SPATA6L: variants seen among roughly 807,000 people sequenced by gnomAD.
SPATA6L encodes spermatogenesis associated 6 like, also known as spermatogenesis associated 6-like protein.
SPATA6L carries 68 observed loss-of-function variants against 49.2 expected under a neutral mutation model. The ratio of observed to expected loss-of-function variants is 1.38; its 90% CI spans 1.14 to 1.69. The LOEUF is 1.69. SPATA6L is among the 40% of genes most tolerant of loss of function. SPATA6L has a pLI of 0.00. For synonymous variants in SPATA6L, 198 were observed against 165.7 expected (o/e 1.19, Z -1.50); for missense variants, 668 against 464.3 (o/e 1.44, Z -4.03).
chr9:4,648,601 G>A (rs554723590), intron 3 of SPATA6L, among the ~76,000 whole-genome samples: 31 of 151,908 alleles, frequency 2.0e-4, no homozygotes, highest in Non-Finnish European at 3.4e-4. Flanking sequence ...GCGGGAGGCT[G>A]AGGCAGGAGA....
intron 9 of SPATA6L, among the ~76,000 whole-genome samples, chr9:4,606,062 G>GA (rs1283250209): frequency 1.3e-5 from 2 of 152,090 alleles, no homozygotes; most frequent in African/African-American, 2.4e-5. Context: ...ATGGCACCTG[G>GA]AAAATCGGGT....
rs542017422 is a variant in SPATA6L, at chr9:4,636,792, T to C, written c.227-1393A>G. 5.9e-5 allele frequency among the ~76,000 whole-genome samples: 9 copies of C among 152,292 alleles called. No individual in the cohort carries two copies. In the South Asian group the frequency reaches 1.9e-3, roughly 32 times the overall value. On this transcript the variant is annotated intron_variant, in intron 3 of 11. Coordinates refer to ENST00000682582, the MANE Select transcript of SPATA6L (RefSeq NM_001353486.2). ...AAAGAATCAAAGTGCAAAAAGAAAT[T>C]ATTCTATATTTTTCATCATAAATAG...
chr9:4,657,414 T>C (rs1052475171), intron 2 of SPATA6L, among the ~76,000 whole-genome samples: 7 of 152,136 alleles, frequency 4.6e-5, no homozygotes, highest in African/African-American at 1.7e-4. Context: ...GACCTTAGTT[T>C]GCAAATAGGG....
intron 3 of SPATA6L, chr9:4,646,623 A>T: frequency 1.9e-6 from 1 of 531,530 alleles, no homozygotes; most frequent in Non-Finnish European, 3.1e-6. Flanking sequence ...CCCACTTAAT[A>T]GTAATAATAA....
intron 3 of SPATA6L, among the ~76,000 whole-genome samples, chr9:4,639,519 G>T (rs1381956064): frequency 1.3e-5 from 2 of 152,144 alleles, no homozygotes; most frequent in Non-Finnish European, 2.9e-5. Context: ...CAGTCTCTCT[G>T]GTGTGGTCAT....
intron 4 of SPATA6L, among the ~76,000 whole-genome samples, chr9:4,631,135 A>T (rs1587234947): frequency 6.6e-6 from 1 of 152,230 alleles, no homozygotes; most frequent in African/African-American, 2.4e-5. Flanking sequence ...CAGACAATAA[A>T]GAAGAATGTA....
chr9:4,641,960 G>A (rs1348891266), intron 3 of SPATA6L, among the ~76,000 whole-genome samples: 2 of 152,068 alleles, frequency 1.3e-5, no homozygotes, highest in African/African-American at 2.4e-5. Flanking sequence ...TAGAGATGAG[G>A]TTTCACCATG....
intron 7 of SPATA6L, among the ~76,000 whole-genome samples, chr9:4,619,155 C>CTTTT (rs57028759): frequency 3.6e-4 from 42 of 118,158 alleles, no homozygotes; most frequent in African/African-American, 6.2e-4. Flanking sequence ...CAGGTTTTCT[C>CTTTT]TTTTTTTTTT....
intron 3 of SPATA6L, chr9:4,646,177 A>ATCAG: frequency 5.3e-6 from 1 of 190,122 alleles, no homozygotes. Flanking sequence ...AAAGGCCAAA[A>ATCAG]CTTGAAATCA....
At chr9:4,612,595 A>G (rs987722864) in intron 9 of SPATA6L, among the ~76,000 whole-genome samples, 3 of 152,156 alleles carry the variant, frequency 2.0e-5, no homozygotes, top group Admixed American at 6.5e-5. Flanking sequence ...TCATTTATCT[A>G]TACCTCATTA....
intron 11 of SPATA6L, among the ~76,000 whole-genome samples, chr9:4,602,164 T>A (rs1823480844): frequency 6.6e-6 from 1 of 151,944 alleles, no homozygotes; most frequent in Non-Finnish European, 1.5e-5. Context: ...TTTCTTACCT[T>A]CTCTCTATCC....
chr9:4,606,358 C>T lies in SPATA6L; in HGVS notation c.996-918G>A, dbSNP rs536959608. Among the ~76,000 whole-genome samples, 225 of 137,004 alleles carry T rather than the reference C, an allele frequency of 1.6e-3. 7 individuals carry two copies. Among genetic ancestry groups the T allele is most frequent in the African/African-American group, 6.2e-3 (214 of 34,520 alleles). 89.9% of individuals were successfully genotyped at this position (137,004 alleles called of 152,430 possible). ...CGTCTGGGGGCAGGGCACAGACAAA[C>T]AAAAAGACAGCAGTAACCTCTGCAG... is the stretch of plus-strand genomic sequence containing the variant. On this transcript the variant is annotated intron_variant, in intron 9 of 11. Coordinates refer to ENST00000682582, the MANE Select transcript of SPATA6L (RefSeq NM_001353486.2).
chr9:4,620,443 A>C (rs1419375313), intron 7 of SPATA6L, among the ~76,000 whole-genome samples: 1 of 152,312 alleles, frequency 6.6e-6, no homozygotes, highest in African/African-American at 2.4e-5. Context: ...GCTTGTTAGA[A>C]AAGGAGAATC....
At chr9:4,594,335 G>C (rs541309271), downstream of SPATA6L, among the ~76,000 whole-genome samples, 1 of 152,076 alleles carries the variant, frequency 6.6e-6, no homozygotes, top group Non-Finnish European at 1.5e-5. Flanking sequence ...TCAGCCTCCA[G>C]ACTAGCTGGG....
chr9:4,661,833 C>T, intron 2 of SPATA6L, 66 bp downstream of exon 2: 1 of 1,560,306 alleles, frequency 6.4e-7, no homozygotes, highest in Non-Finnish European at 8.7e-7. Flanking sequence ...TGTAAGAACT[C>T]TGTTCTTTAT....
chr9:4,659,778 A>C (rs952771193), intron 2 of SPATA6L, among the ~76,000 whole-genome samples: 69 of 152,346 alleles, frequency 4.5e-4, no homozygotes, highest in Admixed American at 3.5e-3. Context: ...ACTTCAAACT[A>C]TACTACAAGG....
chr9:4,656,391 A>G (rs1219655828), intron 2 of SPATA6L, among the ~76,000 whole-genome samples: 4 of 151,784 alleles, frequency 2.6e-5, no homozygotes, highest in Non-Finnish European at 5.9e-5. Flanking sequence ...GGGAGCCGAG[A>G]TGGCATCACC....
intron 9 of SPATA6L, among the ~76,000 whole-genome samples, chr9:4,611,938 G>A (rs755957769): frequency 2.2e-4 from 33 of 152,056 alleles, no homozygotes; most frequent in South Asian, 1.2e-3. Flanking sequence ...TGAACTCTTG[G>A]ACTCAAGCAA....
intron 3 of SPATA6L, among the ~76,000 whole-genome samples, chr9:4,644,302 C>G (rs1834786650): frequency 6.7e-6 from 1 of 149,768 alleles, no homozygotes; most frequent in Non-Finnish European, 1.5e-5. Flanking sequence ...GGAGGTCATA[C>G]CACTGCATTC....
Sources: allele counts gnomAD v4.1 joint callset (sites outside exome capture counted in the v4.1 genomes callset), GRCh38; gene constraint gnomAD v4.1.1; transcripts MANE v1.5; gene names NCBI Gene and HGNC (gene_info 2026-07-23, HGNC 2026-07-21).